Variants in CEP104 observed in about 807,000 individuals in gnomAD.
CEP104 encodes the protein centrosomal protein of 104 kDa.
CEP104 carries 84 observed loss-of-function variants against 113.3 expected under a neutral mutation model. The ratio of observed to expected loss-of-function variants is 0.74; its 90% confidence interval spans 0.62 to 0.89. The LOEUF (loss-of-function observed/expected upper bound fraction) is 0.89. CEP104 is among the 40% of genes least tolerant of loss of function. The probability of loss-of-function intolerance (pLI) is 0.00; values close to 1 mark genes in which losing one functional copy is unlikely to be tolerated. For missense variants in CEP104, 1,053 were observed against 1,156.6 expected, an observed-to-expected ratio of 0.91 and a Z score of 1.30; for synonymous variants, 378 against 421.7, an observed-to-expected ratio of 0.90 and a Z score of 1.27.
At chr1:3,827,079 G>C (rs1171073429) in intron 15 of CEP104, among the ~76,000 whole-genome samples, 1 of 152,196 alleles carries the variant, frequency 6.6e-6, no homozygotes, top group South Asian at 2.1e-4. Flanking sequence ...TTGAGCCTGG[G>C]AGGTGGAGGC....
At position 3,829,817 on chromosome 1, in the gene CEP104, C is replaced by CATCTATTTT; in HGVS notation, c.2008_2016dup (p.Lys670_Asp672dup). On this transcript the variant is annotated inframe_insertion, in exon 14 of 22. Coordinates refer to ENST00000378230, the MANE Select transcript of CEP104 (RefSeq NM_014704.4). ...CTCATCTCAGCATCTGTAGCTCTGC[C>CATCTATTTT]ATCTATTTTAGCAAATCCCTCAAAA... 3 of 1,614,198 alleles carry CATCTATTTT rather than the reference C, an allele frequency of 1.9e-6. No homozygotes were observed. The highest frequency in any genetic ancestry group is 3.3e-4 in the Middle Eastern group (2 of 6,062).
chr1:3,848,477 A>T, intron 3 of CEP104, 131 bp downstream of exon 3: 1 of 705,224 alleles, frequency 1.4e-6, no homozygotes, highest in South Asian at 1.9e-5. Context: ...GGCTGCAGTG[A>T]GCTGAGATTG....
intron 10 of CEP104, among the ~76,000 whole-genome samples, chr1:3,836,016 A>G (rs1303897706): frequency 6.6e-6 from 1 of 152,050 alleles, no homozygotes; most frequent in Non-Finnish European, 1.5e-5. Flanking sequence ...AAAAAAAAAA[A>G]AAAGGCCGGG....
intron 20 of CEP104, among the ~76,000 whole-genome samples, chr1:3,817,025 C>T (rs1643890638): frequency 6.6e-6 from 1 of 152,224 alleles, no homozygotes; most frequent in Admixed American, 6.5e-5. Flanking sequence ...GGTTCCTTCC[C>T]TTCTATTTAA....
chr1:3,838,460 T>G (rs1644355340), intron 8 of CEP104, among the ~76,000 whole-genome samples: 1 of 152,216 alleles, frequency 6.6e-6, no homozygotes, highest in African/African-American at 2.4e-5. Context: ...CTTGAGAGTG[T>G]GCACTCTCAA....
intron 12 of CEP104, among the ~76,000 whole-genome samples, chr1:3,833,034 G>A (rs2124664645): frequency 6.6e-6 from 1 of 150,446 alleles, no homozygotes; most frequent in Admixed American, 6.6e-5. Flanking sequence ...TGCCAGGCTG[G>A]AGTGCAGTGG....
intron 2 of CEP104, among the ~76,000 whole-genome samples, chr1:3,850,773 T>C (rs1644596097): frequency 6.6e-6 from 1 of 152,202 alleles, no homozygotes. Context: ...ATCCTTTTCT[T>C]GGGTACATCC....
In CEP104 at chr1:3,823,029, G is replaced by A; in HGVS notation, c.2571+145C>T. The A allele has an allele frequency of 1.4e-6, 1 of 708,490 alleles. No homozygotes were observed. The highest frequency in any genetic ancestry group is 1.7e-5 in the South Asian group (1 of 58,120). The allele number at this position is 708,490 out of a possible 1,614,324, so 43.9% of individuals were successfully genotyped here. A position where few individuals can be genotyped will look rare whatever the true frequency, so the allele number is the denominator to read the frequency against. The stretch of plus-strand genomic sequence containing the variant: ...TAAACGGAACGACTGCTCAGACAGG[G>A]CTCACTAGACGCTGTCCCCTCCCTG... On this transcript the variant is annotated intron_variant, in intron 20 of 21. Transcript: ENST00000378230. This position sits in a 1 kb window ranked among gnomAD's most constrained non-coding sequence, Gnocchi z 4.1.
intron 6 of CEP104, chr1:3,843,339 A>G: frequency 1.8e-6 from 1 of 546,724 alleles, no homozygotes; most frequent in Non-Finnish European, 3.4e-6. Context: ...AAAAAAAAAA[A>G]AGAGGAAGCG....
chr1:3,852,437 G>A lies in CEP104; in HGVS notation c.-14-16C>T. On this transcript the variant is annotated splice_polypyrimidine_tract_variant and intron_variant, in intron 1 of 21. Coordinates refer to ENST00000378230, the MANE Select transcript of CEP104 (RefSeq NM_014704.4). Reference sequence around the variant, plus strand: ...CACGTTTGGGCTGTTTATAAGAGCAGGAAAAACTTCTTTAAAACAAAGGAA... The same window carrying A: ...CACGTTTGGGCTGTTTATAAGAGCAAGAAAAACTTCTTTAAAACAAAGGAA... 1 of 1,594,516 alleles carries A rather than the reference G, an allele frequency of 6.3e-7. No homozygotes were observed. The highest frequency in any genetic ancestry group is 1.7e-4 in the Middle Eastern group (1 of 5,972).
intron 6 of CEP104, among the ~76,000 whole-genome samples, chr1:3,840,770 C>T (rs1026029031): frequency 2.6e-5 from 4 of 152,136 alleles, no homozygotes; most frequent in South Asian, 2.1e-4. Flanking sequence ...GAACTCCTGA[C>T]GTCAGATGAC....
intron 20 of CEP104, among the ~76,000 whole-genome samples, chr1:3,820,331 G>C (rs879340026): frequency 3.3e-5 from 5 of 152,220 alleles, no homozygotes; most frequent in Non-Finnish European, 7.3e-5. Context: ...ACAAGTAAAG[G>C]TAACAACTCG....
chr1:3,849,259 G>C (rs986140690), intron 2 of CEP104, among the ~76,000 whole-genome samples: 3 of 139,068 alleles, frequency 2.2e-5, no homozygotes, highest in Non-Finnish European at 4.6e-5. Flanking sequence ...GCTCAAAAGT[G>C]ACATAACTTT....
At position 3,812,387 on chromosome 1, in the gene CEP104, A is replaced by G. The variant is rs536899342; in HGVS notation, c.*3015T>C. 4 of 152,328 alleles carry G rather than the reference A, an allele frequency of 2.6e-5. No individual in the cohort carries two copies. In the South Asian group the frequency reaches 6.2e-4, roughly 24 times the overall value. The allele number at this position is 152,328 out of a possible 1,614,324, so 9.4% of individuals were successfully genotyped here. On this transcript the variant is annotated 3_prime_UTR_variant, in exon 22 of 22. Coordinates refer to ENST00000378230, the MANE Select transcript of CEP104 (RefSeq NM_014704.4). ...GAACATACTCATGAGTGAAAATTCA[A>G]TTAATTAGTATTCCTAATTTAGATA...
At chr1:3,835,415 G>A (rs527515398) in intron 10 of CEP104, among the ~76,000 whole-genome samples, 12 of 152,072 alleles carry the variant, frequency 7.9e-5, no homozygotes, top group South Asian at 2.1e-4. Context: ...TCACTCTGTC[G>A]CCCAGGCTGG....
At position 3,831,219 on chromosome 1, in the gene CEP104, T is replaced by G; in HGVS notation, c.1663A>C (p.Met555Leu). Residue 555 changes from methionine (M) to leucine (L), a missense_variant, in exon 13 of 22, where the codon ATG (methionine) becomes CTG (leucine). Transcript: ENST00000378230. ...RVTAANFIQE[M>L]ALFKEVKSLQ... ...GACTTAACTTCTTTAAACAAGGCCATTTCCTATGAAAGCCAAGGTAATTTG... is the reference window on the plus strand; with the variant it reads ...GACTTAACTTCTTTAAACAAGGCCAGTTCCTATGAAAGCCAAGGTAATTTG... 3 of 1,610,734 alleles carry G rather than the reference T, an allele frequency of 1.9e-6. No homozygotes were observed. Among genetic ancestry groups the G allele is most frequent in the Non-Finnish European group, 2.5e-6 (3 of 1,177,424 alleles).
At position 3,813,209 on chromosome 1, in the gene CEP104, ACT is replaced by A. The variant is rs1003636278; in HGVS notation, c.*2191_*2192del. The A allele has an allele frequency of 6.6e-6, 1 of 150,984 alleles. No homozygotes were observed. The highest frequency in any genetic ancestry group is 6.6e-5 in the Admixed American group (1 of 15,178). The allele number at this position is 150,984 out of a possible 1,614,324, so 9.4% of individuals were successfully genotyped here. A position where few individuals can be genotyped will look rare whatever the true frequency, so the allele number is the denominator to read the frequency against. ...ATTTTACAGACATCTTGGCATCTAT[ACT>A]CTGTTTTGTCTAATAAACTTTAAAG... On this transcript the variant is annotated 3_prime_UTR_variant, in exon 22 of 22. Transcript: ENST00000378230.
intron 15 of CEP104, among the ~76,000 whole-genome samples, chr1:3,827,021 C>T (rs117643435): frequency 9.5e-4 from 145 of 152,108 alleles, no homozygotes; most frequent in African/African-American, 3.1e-3. Context: ...GGTGTGGTGG[C>T]GTGCCCTGTA....
chr1:3,830,997 T>C (rs1473347062), intron 13 of CEP104, 49 bp downstream of exon 13: 3 of 1,535,906 alleles, frequency 2.0e-6, no homozygotes, highest in East Asian at 2.3e-5. Context: ...CTCCAGGCAC[T>C]GTGGTGAGTG....
Sources: allele counts gnomAD v4.1 joint callset (sites outside exome capture counted in the v4.1 genomes callset), GRCh38; gene constraint gnomAD v4.1.1; non-coding constraint Gnocchi (gnomAD v3.1); transcripts MANE v1.5; gene names NCBI Gene and HGNC (gene_info 2026-07-23, HGNC 2026-07-21).